Variants in TENM3 observed in about 807,000 individuals in gnomAD.
TENM3 encodes the protein teneurin transmembrane protein 3.
TENM3 carries 63 observed loss-of-function variants against 255.1 expected under a neutral mutation model. The observed-to-expected ratio is 0.25, with a 90% CI of 0.20 to 0.30. The LOEUF is 0.30. Ranked by LOEUF, TENM3 falls within the 10% of genes least tolerant of loss-of-function variation. The pLI, the probability that TENM3 is intolerant of heterozygous loss-of-function variation, is 1.00. For missense variants in TENM3, 2,929 were observed against 3,461.1 expected (o/e 0.85, Z 3.86); for synonymous variants, 1,306 against 1,322.3 (o/e 0.99, Z 0.27).
chr4:181,866,625 T>A, the TENM3 span, among the ~76,000 whole-genome samples: 1 of 152,198 alleles, frequency 6.6e-6, no homozygotes, highest in Non-Finnish European at 1.5e-5. Flanking sequence ...CTGGTGTGTG[T>A]AGAATAACCG....
At chr4:182,321,715 G>T (rs1191191469) in intron 1 of TENM3, among the ~76,000 whole-genome samples, 1 of 152,076 alleles carries the variant, frequency 6.6e-6, no homozygotes, top group Non-Finnish European at 1.5e-5. Context: ...GGAGGCTGAA[G>T]TGGGCGGATC....
At chr4:181,787,156 C>T in the TENM3 span, among the ~76,000 whole-genome samples, 1 of 152,098 alleles carries the variant, frequency 6.6e-6, no homozygotes, top group African/African-American at 2.4e-5. Flanking sequence ...ACGCCTTGTT[C>T]CACCCCCTCT....
intron 3 of TENM3, among the ~76,000 whole-genome samples, chr4:182,598,327 G>C (rs1560982356): frequency 6.6e-6 from 1 of 152,284 alleles, no homozygotes; most frequent in Non-Finnish European, 1.5e-5. Context: ...TCCTGATTGT[G>C]TTGTCAATTC....
At chr4:181,807,954 A>G in the TENM3 span, among the ~76,000 whole-genome samples, 1 of 152,206 alleles carries the variant, frequency 6.6e-6, no homozygotes, top group Non-Finnish European at 1.5e-5. Flanking sequence ...GGCTAACAAG[A>G]TACAAAGGGC....
chr4:181,951,925 T>C, the TENM3 span, among the ~76,000 whole-genome samples: 1 of 152,198 alleles, frequency 6.6e-6, no homozygotes, highest in Non-Finnish European at 1.5e-5. Context: ...TTATATATTG[T>C]AGGGTTTTTC....
chr4:182,643,150 A>G (rs527668662), intron 5 of TENM3, among the ~76,000 whole-genome samples: 1 of 152,350 alleles, frequency 6.6e-6, no homozygotes, highest in Non-Finnish European at 1.5e-5. Flanking sequence ...CATGTAGCCA[A>G]TCAAATGATT....
chr4:182,548,479 G>T (rs188966558), intron 3 of TENM3, among the ~76,000 whole-genome samples: 1 of 152,230 alleles, frequency 6.6e-6, no homozygotes, highest in East Asian at 1.9e-4. Flanking sequence ...TGCACAGGCC[G>T]AGGCAACTCT....
At chr4:182,324,608 G>T (rs1233081887) in intron 2 of TENM3, among the ~76,000 whole-genome samples, 2 of 152,192 alleles carry the variant, frequency 1.3e-5, no homozygotes, top group South Asian at 4.1e-4. Flanking sequence ...CACAGACATT[G>T]TGTCTGTGGC....
chr4:182,406,636 G>A (rs1769601745), intron 3 of TENM3, among the ~76,000 whole-genome samples: 1 of 152,168 alleles, frequency 6.6e-6, no homozygotes, highest in South Asian at 2.1e-4. Flanking sequence ...TCTTTCTGTG[G>A]TCTGTGGCCC....
In TENM3 at chr4:182,738,563, A is replaced by G; in HGVS notation, c.3379+19A>G. ...CAGAACGGTAAGCTCTTGTTCATAG[A>G]TAACTGATGTTGTAATGTATTGTTC... On this transcript the variant is annotated intron_variant, in intron 18 of 27. Transcript: ENST00000511685. 1 of 1,598,684 alleles carries G rather than the reference A, an allele frequency of 6.3e-7. No homozygotes were observed. Among genetic ancestry groups the G allele is most frequent in the Non-Finnish European group, 8.5e-7 (1 of 1,172,478 alleles).
the TENM3 span, among the ~76,000 whole-genome samples, chr4:182,110,646 G>A: frequency 5.9e-5 from 9 of 152,096 alleles, no homozygotes; most frequent in East Asian, 1.9e-4. Flanking sequence ...TCAGAACCTC[G>A]AAAGCCTAAT....
In TENM3 at chr4:182,751,942, G is replaced by T. The variant is rs760045844; in HGVS notation, c.3772G>T (p.Ala1258Ser). 4 of 1,613,842 alleles carry T rather than the reference G, an allele frequency of 2.5e-6. No individual in the cohort carries two copies. Among genetic ancestry groups the T allele is most frequent in the South Asian group, 2.2e-5 (2 of 91,070 alleles). The change falls in exon 20 of 28, where the codon GCA becomes TCA. Residue 1258 changes from alanine to serine, a missense_variant. Ala to Ser is a moderately conservative substitution (Grantham distance 99). This residue lies in a region of TENM3 where 1,608 missense variants were observed against 1,884.4 expected (regional missense o/e 0.85). Transcript: ENST00000511685. The part of the protein sequence containing the change: ...KDLTKNAEVV[A>S]GTGEQCLPFD... ...CTTGACTAAAAATGCAGAAGTCGTC[G>T]CAGGGACAGGGGAGCAATGCCTTCC...
At chr4:182,505,557 C>A (rs1442894174) in intron 3 of TENM3, among the ~76,000 whole-genome samples, 3 of 152,114 alleles carry the variant, frequency 2.0e-5, no homozygotes, top group Non-Finnish European at 4.4e-5. Context: ...CAGCTCACTG[C>A]AACCTCCACC....
Position 182,770,150 on chromosome 4 carries a change from A to G in TENM3, c.4893-3322A>G, listed in dbSNP as rs529190482. Among the ~76,000 whole-genome samples, 343 of 151,490 alleles carry G rather than the reference A, an allele frequency of 2.3e-3. 2 individuals are homozygous for G. The highest frequency in any genetic ancestry group is 4.3e-3 in the Non-Finnish European group (291 of 67,892). ...GTTCTTTTGAAAGAACTCACCCTAC[A>G]GGTAGGTCCCGCCTCTCTTTGATAT... is the stretch of plus-strand genomic sequence containing the variant. On this transcript the variant is annotated intron_variant, in intron 22 of 27. Coordinates refer to ENST00000511685, the MANE Select transcript of TENM3 (RefSeq NM_001080477.4).
chr4:182,779,411 G>A (rs1028656788), intron 24 of TENM3, among the ~76,000 whole-genome samples: 1 of 152,082 alleles, frequency 6.6e-6, no homozygotes, highest in Non-Finnish European at 1.5e-5. Context: ...TGGCTGCATA[G>A]TATTCCATGG....
rs906682084 is a variant in TENM3 at position 182,352,169 on chromosome 4, G to A, written c.511+5240G>A. ...TCATCAAGTGTTCTGGCAAGATGGA[G>A]GAGAACTCACGGTGTCTTCCAGAAA... On this transcript the variant is annotated intron_variant, in intron 3 of 27. Transcript: ENST00000511685. Among the ~76,000 whole-genome samples the A allele has an allele frequency of 1.1e-4, 17 of 151,742 alleles. No homozygotes were observed. The East Asian group carries it at 3.3e-3, about 30-fold the overall frequency.
chr4:181,740,687 GAA>G, the TENM3 span, among the ~76,000 whole-genome samples: 31 of 144,218 alleles, frequency 2.1e-4, no homozygotes, highest in South Asian at 3.1e-3. Context: ...ATCAGCACTG[GAA>G]AAAAAAAAAG....
At chr4:182,054,597 G>A in the TENM3 span, among the ~76,000 whole-genome samples, 91 of 152,160 alleles carry the variant, frequency 6.0e-4, 1 homozygote, top group Middle Eastern at 3.4e-3. Flanking sequence ...CTAAAAGAAT[G>A]TCATTAGATT....
intron 5 of TENM3, among the ~76,000 whole-genome samples, chr4:182,635,936 A>G (rs1751805788): frequency 6.6e-6 from 1 of 152,220 alleles, no homozygotes; most frequent in Non-Finnish European, 1.5e-5. Flanking sequence ...CCAGCCCTTT[A>G]TGCTTCATGA....
Sources: allele counts gnomAD v4.1 joint callset (sites outside exome capture counted in the v4.1 genomes callset), GRCh38; gene constraint gnomAD v4.1.1; regional missense constraint gnomAD v4.1.1; transcripts MANE v1.5; gene names NCBI Gene and HGNC (gene_info 2026-07-23, HGNC 2026-07-21).